Variants in SEMA3A observed in about 807,000 individuals in gnomAD.
SEMA3A encodes semaphorin 3A, also known as semaphorin-3A.
SEMA3A carries 29 observed loss-of-function variants against 97.9 expected under a neutral mutation model. The ratio of observed to expected loss-of-function variants is 0.30; its 90% CI spans 0.22 to 0.40. The LOEUF (loss-of-function observed/expected upper bound fraction) is 0.40. Among genes scored for constraint, SEMA3A ranks in the 10% least tolerant of loss-of-function variants. SEMA3A has a pLI of 1.00. For synonymous variants in SEMA3A, 321 were observed against 323.7 expected (o/e 0.99, Z 0.09); for missense variants, 763 against 951.3 (o/e 0.80, Z 2.60).
chr7:84,089,185 G>A (rs1282522459), intron 4 of SEMA3A, among the ~76,000 whole-genome samples: 2 of 152,042 alleles, frequency 1.3e-5, no homozygotes, highest in Non-Finnish European at 2.9e-5. Flanking sequence ...CTTTAAAGAA[G>A]AATAGAAATC....
At chr7:84,411,567 T>TTATATA (rs60469024) in intron 1 of SEMA3A, among the ~76,000 whole-genome samples, 7,023 of 149,194 alleles carry the variant, frequency 0.047, 215 homozygotes, top group Non-Finnish European at 0.071. Context: ...TTGGGTATAA[T>TTATATA]TATATATATA....
chr7:84,372,453 T>G (rs1221826525), intron 1 of SEMA3A, among the ~76,000 whole-genome samples: 1 of 152,098 alleles, frequency 6.6e-6, no homozygotes, highest in Non-Finnish European at 1.5e-5. Flanking sequence ...AATTCTGGAT[T>G]CTACAGTTAT....
chr7:84,468,040 T>C (rs534222104), intron 1 of SEMA3A, among the ~76,000 whole-genome samples: 6 of 152,046 alleles, frequency 3.9e-5, no homozygotes. Flanking sequence ...CTCCCACTAA[T>C]GAGATTAAAT....
At chr7:84,005,074 A>T (rs947847121) in intron 11 of SEMA3A, among the ~76,000 whole-genome samples, 7 of 152,120 alleles carry the variant, frequency 4.6e-5, no homozygotes, top group Non-Finnish European at 1.0e-4. Context: ...CCTTTTCTCT[A>T]GCTTGTTTTA....
intron 4 of SEMA3A, among the ~76,000 whole-genome samples, chr7:84,088,376 C>T (rs751709432): frequency 7.9e-5 from 12 of 152,108 alleles, no homozygotes; most frequent in South Asian, 6.2e-4. Context: ...ATCGCTTGAA[C>T]CCGAGAGGCA....
At chr7:84,370,936 G>C (rs12707648) in intron 2 of SEMA3A, among the ~76,000 whole-genome samples, 19,511 of 150,890 alleles carry the variant, frequency 0.13, 1,439 homozygotes, top group East Asian at 0.28. Context: ...TAGATTAGTT[G>C]AGTATCTAGT....
At chr7:84,429,271 C>T (rs1253033683) in intron 1 of SEMA3A, among the ~76,000 whole-genome samples, 1 of 151,384 alleles carries the variant, frequency 6.6e-6, no homozygotes, top group Non-Finnish European at 1.5e-5. Context: ...GCTTTTCCAC[C>T]AACTTTCTTA....
intron 1 of SEMA3A, among the ~76,000 whole-genome samples, chr7:84,485,029 G>A (rs896390732): frequency 1.3e-5 from 2 of 152,092 alleles, no homozygotes; most frequent in African/African-American, 4.8e-5. Flanking sequence ...CAAGAAAATA[G>A]AACACATTGC....
At chr7:84,359,568 G>A (rs1477404568) in intron 2 of SEMA3A, among the ~76,000 whole-genome samples, 8 of 152,002 alleles carry the variant, frequency 5.3e-5, no homozygotes, top group Admixed American at 2.6e-4. Flanking sequence ...TTTCTGCATC[G>A]ATGTTCATCA....
intron 1 of SEMA3A, among the ~76,000 whole-genome samples, chr7:84,420,736 G>GA (rs1456314035): frequency 1.3e-5 from 2 of 151,978 alleles, no homozygotes; most frequent in Non-Finnish European, 2.9e-5. Context: ...ATGTGTCCAG[G>GA]AATTTATTCA....
At chr7:83,997,014 G>C (rs1266508065) in intron 12 of SEMA3A, among the ~76,000 whole-genome samples, 1 of 152,158 alleles carries the variant, frequency 6.6e-6, no homozygotes, top group African/African-American at 2.4e-5. Flanking sequence ...GAATGTGTAT[G>C]ATTAGTCAGG....
intron 1 of SEMA3A, among the ~76,000 whole-genome samples, chr7:84,421,057 C>T (rs1265715041): frequency 1.3e-5 from 2 of 151,560 alleles, no homozygotes; most frequent in African/African-American, 2.4e-5. Flanking sequence ...CTTGCTTCTC[C>T]AGTTCTTTTA....
chr7:84,059,271 G>T (rs1437700277), intron 5 of SEMA3A, among the ~76,000 whole-genome samples: 1 of 152,088 alleles, frequency 6.6e-6, no homozygotes, highest in African/African-American at 2.4e-5. Flanking sequence ...TTAAAATGCT[G>T]CATAAATGCA....
At chr7:84,435,204 C>T (rs1805093321) in intron 1 of SEMA3A, among the ~76,000 whole-genome samples, 1 of 151,432 alleles carries the variant, frequency 6.6e-6, no homozygotes, top group South Asian at 2.1e-4. Flanking sequence ...TTTTATACAC[C>T]AATAATATTC....
intron 12 of SEMA3A, among the ~76,000 whole-genome samples, chr7:83,994,856 TC>T (rs1790138971): frequency 6.6e-6 from 1 of 152,050 alleles, no homozygotes; most frequent in Non-Finnish European, 1.5e-5. Flanking sequence ...AGTTGGAACT[TC>T]CCGGCTGCTT....
chr7:84,226,168 A>G (rs1798986861), intron 3 of SEMA3A, among the ~76,000 whole-genome samples: 1 of 152,126 alleles, frequency 6.6e-6, no homozygotes, highest in African/African-American at 2.4e-5. Context: ...GTGAGGAATC[A>G]GAAATTAACC....
At chr7:84,054,260 G>A (rs1463825160) in intron 5 of SEMA3A, among the ~76,000 whole-genome samples, 1 of 152,270 alleles carries the variant, frequency 6.6e-6, no homozygotes, top group Non-Finnish European at 1.5e-5. Context: ...ACGTTGGCTT[G>A]CCTTGCTAGA....
intron 1 of SEMA3A, among the ~76,000 whole-genome samples, chr7:84,427,121 A>G (rs1268727061): frequency 6.6e-6 from 1 of 152,024 alleles, no homozygotes; most frequent in Non-Finnish European, 1.5e-5. Context: ...TATAATAAAT[A>G]CCATCCCTTT....
At chr7:83,972,864 A>C (rs922258738) in intron 15 of SEMA3A, among the ~76,000 whole-genome samples, 1 of 152,138 alleles carries the variant, frequency 6.6e-6, no homozygotes, top group Non-Finnish European at 1.5e-5. Flanking sequence ...AATATGAATA[A>C]TTAGACTTTT....
Sources: gnomAD v4.1 joint callset for allele counts (sites outside exome capture counted in the v4.1 genomes callset) on GRCh38, gnomAD v4.1.1 for gene constraint, MANE v1.5 for transcripts, NCBI Gene and HGNC (gene_info 2026-07-23, HGNC 2026-07-21) for gene names.